The following COG7 variants were observed in gnomAD, a reference collection of about 807,000 sequenced individuals.
COG7 encodes conserved oligomeric Golgi complex subunit 7.
Under a neutral mutation model 91.5 loss-of-function variants are expected in COG7, and 49 were observed. The ratio of observed to expected loss-of-function variants is 0.54; its 90% CI spans 0.43 to 0.68. The LOEUF (loss-of-function observed/expected upper bound fraction) is 0.68, where lower values mean the gene tolerates loss of function less well. COG7 is among the 30% of genes least tolerant of loss of function. COG7 has a pLI of 0.00. For synonymous variants in COG7, 365 were observed against 388.7 expected (o/e 0.94, Z 0.72); for missense variants, 895 against 961.3 (o/e 0.93, Z 0.91).
At chr16:23,408,426 G>C (rs1327719359) in intron 11 of COG7, among the ~76,000 whole-genome samples, 1 of 122,570 alleles carries the variant, frequency 8.2e-6, no homozygotes, top group Admixed American at 8.3e-5. Flanking sequence ...CAGGGGGTGA[G>C]CAGGGCAGAA....
At position 23,410,314 on chromosome 16, in the gene COG7, C is replaced by G. The variant is rs781068033; in HGVS notation, c.1456G>C (p.Glu486Gln). Reference protein sequence around the residue: ...GELLRHCGDFEQQLANRILST... With the variant: ...GELLRHCGDFQQQLANRILST... The stretch of plus-strand genomic sequence containing the variant: ...TCCTACCTGTTGGCTAGCTGCTGCT[C>G]GAAGTCCCCACAATGCCGCAAAAGC... Residue 486 changes from glutamate (E) to glutamine (Q), a missense_variant, in exon 11 of 17, where the codon GAG becomes CAG. Physicochemically the swap from Glu to Gln is conservative, Grantham distance 29. Transcript: ENST00000307149. 3.1e-6 allele frequency: 5 copies of G among 1,614,040 alleles called. No individual in the cohort carries two copies. Among genetic ancestry groups the G allele is most frequent in the East Asian group, 2.2e-5 (1 of 44,882 alleles).
At chr16:23,445,746 C>T (rs1236743554) in intron 2 of COG7, 67 bp downstream of exon 2, 17 of 1,531,834 alleles carry the variant, frequency 1.1e-5, no homozygotes, top group South Asian at 5.6e-5. Flanking sequence ...AAAGCCCTTA[C>T]GAGAGTGACC....
Position 23,452,832 on chromosome 16 carries a change from C to T in COG7, c.163G>A (p.Val55Met). ...QLFIQEVNHA[V>M]EETSHQALQN... ...AGGGCCCCGAGCGGCTCACCCTCCA[C>T]GGCGTGGTTCACCTCTTGGATGAAC... Residue 55 changes from valine (V) to methionine (M), a missense_variant, in exon 1 of 17, where the codon GTG becomes ATG. Val to Met is a conservative substitution (Grantham distance 21). Coordinates refer to ENST00000307149, the MANE Select transcript of COG7 (RefSeq NM_153603.4). The T allele has an allele frequency of 6.2e-7, 1 of 1,612,266 alleles. No individual in the cohort carries two copies. The highest frequency in any genetic ancestry group is 8.5e-7 in the Non-Finnish European group (1 of 1,179,450).
At chr16:23,404,012 C>G (rs190092655) in intron 12 of COG7, among the ~76,000 whole-genome samples, 178 bp from the exon 13 acceptor site, 365 of 152,348 alleles carry the variant, frequency 2.4e-3, no homozygotes, top group Non-Finnish European at 4.4e-3. Flanking sequence ...TTCCCAAGCT[C>G]CACCCCAGAA....
rs34598282 is a variant in COG7 at position 23,423,044 on chromosome 16, C to CAA, written c.1009+1703_1009+1704dup. Among the ~76,000 whole-genome samples, 416 of 63,556 alleles carry CAA rather than the reference C, an allele frequency of 6.5e-3. 4 individuals carry two copies. Among genetic ancestry groups the CAA allele is most frequent in the East Asian group, 0.023 (54 of 2,372 alleles). The allele number at this position is 63,556 out of a possible 152,430, so 41.7% of individuals were successfully genotyped here. A position where few individuals can be genotyped will look rare whatever the true frequency, so the allele number is the denominator to read the frequency against. Reference sequence around the variant, plus strand: ...TGGGCAACAAAGCAAGTCTCTGTCTCAAAAAAAAAAAAAAAAAAAATGAAA... The same window carrying CAA: ...TGGGCAACAAAGCAAGTCTCTGTCTCAAAAAAAAAAAAAAAAAAAAAATGAAA... On this transcript the variant is annotated intron_variant, in intron 7 of 16. Coordinates refer to ENST00000307149, the MANE Select transcript of COG7 (RefSeq NM_153603.4).
At chr16:23,416,565 T>G in intron 9 of COG7, 1 of 287,290 alleles carries the variant, frequency 3.5e-6, no homozygotes, top group East Asian at 9.7e-5. Flanking sequence ...ACTCCTGAGT[T>G]TAAGCAATCC....
chr16:23,446,184 G>A (rs1306069975), intron 1 of COG7, among the ~76,000 whole-genome samples: 2 of 152,062 alleles, frequency 1.3e-5, no homozygotes, highest in African/African-American at 4.8e-5. Context: ...GATGGGAAAG[G>A]GCCTTTGATA....
intron 12 of COG7, among the ~76,000 whole-genome samples, chr16:23,404,207 C>T (rs888142160): frequency 6.6e-6 from 1 of 152,334 alleles, no homozygotes; most frequent in East Asian, 1.9e-4. Context: ...AGATCAGAAG[C>T]TTCACATATA....
At chr16:23,420,901 A>G (rs1057390401) in intron 7 of COG7, among the ~76,000 whole-genome samples, 7 of 143,340 alleles carry the variant, frequency 4.9e-5, no homozygotes, top group Admixed American at 7.1e-5. Flanking sequence ...ATGCTACTAT[A>G]CCTGGCTAAT....
chr16:23,433,729 T>C (rs1963970159), intron 5 of COG7, 62 bp from the exon 6 acceptor site: 2 of 1,594,204 alleles, frequency 1.3e-6, no homozygotes, highest in Admixed American at 3.4e-5. Flanking sequence ...CTGTGAACAC[T>C]GCCCTGCCCT....
chr16:23,433,650 G>C lies in COG7; in HGVS notation c.705C>G (p.Ala235=). The part of the protein sequence containing the change: ...YKCHKVQLLA[A]WQELCQSDLS... ...GGTCACTTTGACACAGCTCTTGCCA[G>C]GCTGCTAAAAGCTGCACCTGCAGAG... Residue 235 remains alanine (A), a synonymous_variant, in exon 6 of 17, where the codon GCC becomes GCG. Transcript: ENST00000307149. 1 of 1,613,990 alleles carries C rather than the reference G, an allele frequency of 6.2e-7. No homozygotes were observed.
At chr16:23,399,669 T>G (rs2142063055) in intron 13 of COG7, among the ~76,000 whole-genome samples, 1 of 151,868 alleles carries the variant, frequency 6.6e-6, no homozygotes, top group Admixed American at 6.6e-5. Context: ...TCAGGGCGAT[T>G]AGAGAAGCGG....
intron 8 of COG7, among the ~76,000 whole-genome samples, chr16:23,417,514 C>T (rs1963677038): frequency 1.3e-5 from 2 of 152,198 alleles, no homozygotes; most frequent in Admixed American, 1.3e-4. Flanking sequence ...AGCCTGTAAT[C>T]CCAGTACTTT....
At chr16:23,416,292 G>A (rs1360997330) in intron 9 of COG7, 1 of 152,896 alleles carries the variant, frequency 6.5e-6, no homozygotes, top group African/African-American at 2.4e-5. Context: ...GCCACCCAAA[G>A]TGCTGGGATT....
chr16:23,420,793 A>G (rs978993426), intron 7 of COG7, among the ~76,000 whole-genome samples: 2 of 152,062 alleles, frequency 1.3e-5, no homozygotes, highest in African/African-American at 4.8e-5. Flanking sequence ...CCCCAGACTA[A>G]GGTGCAGTGG....
chr16:23,433,727 A>ACTGCC, intron 5 of COG7, 60 bp from the exon 6 acceptor site: 1 of 1,603,624 alleles, frequency 6.2e-7, no homozygotes, highest in Non-Finnish European at 8.5e-7. Context: ...GCCTGTGAAC[A>ACTGCC]CTGCCCTGCC....
chr16:23,440,085 CAA>C (rs11294739), intron 4 of COG7, among the ~76,000 whole-genome samples: 1,077 of 79,256 alleles, frequency 0.014, 11 homozygotes, highest in African/African-American at 0.04. Context: ...CCCATCTATA[CAA>C]AAAAAAAAAA....
chr16:23,401,733 T>TG (rs1273155057), intron 13 of COG7, among the ~76,000 whole-genome samples: 2 of 151,816 alleles, frequency 1.3e-5, no homozygotes, highest in African/African-American at 4.8e-5. Context: ...AGAGAGCTTC[T>TG]GGGGAATGAG....
At chr16:23,406,664 C>T (rs1026811078) in intron 11 of COG7, among the ~76,000 whole-genome samples, 7 of 152,144 alleles carry the variant, frequency 4.6e-5, no homozygotes, top group African/African-American at 7.2e-5. Flanking sequence ...TCAGAGAGAC[C>T]GCTGGGCAGG....
Sources: allele counts gnomAD v4.1 joint callset (sites outside exome capture counted in the v4.1 genomes callset), GRCh38; gene constraint gnomAD v4.1.1; transcripts MANE v1.5; gene names NCBI Gene and HGNC (gene_info 2026-07-23, HGNC 2026-07-21).